PBX1: variants seen among roughly 807,000 people sequenced by gnomAD.
PBX1 encodes the protein pre-B-cell leukemia transcription factor 1.
Under a neutral mutation model 53.4 loss-of-function variants are expected in PBX1, and 6 were observed. The observed-to-expected ratio is 0.11, with a 90% CI of 0.06 to 0.22. PBX1 has a LOEUF of 0.22. Among genes scored for constraint, PBX1 ranks in the 10% least tolerant of loss-of-function variants. The pLI is 1.00. For missense variants in PBX1, 251 were observed against 551.4 expected (o/e 0.46, Z 5.46); for synonymous variants, 204 against 212.3 (o/e 0.96, Z 0.34).
intron 2 of PBX1, among the ~76,000 whole-genome samples, chr1:164,598,382 G>C (rs1655911040): frequency 1.3e-5 from 2 of 152,142 alleles, no homozygotes. Flanking sequence ...ACAGGAGTTA[G>C]GTGTCGAGAC....
intron 2 of PBX1, among the ~76,000 whole-genome samples, chr1:164,767,966 G>A (rs1199197218): frequency 6.6e-6 from 1 of 150,720 alleles, no homozygotes. Flanking sequence ...TACATCTTCT[G>A]AAAAGGGAGG....
At chr1:164,816,517 A>G (rs1242184612) in intron 6 of PBX1, 1 of 152,248 alleles carries the variant, frequency 6.6e-6, no homozygotes, top group East Asian at 1.9e-4. Context: ...TTAAAAGGAA[A>G]AAGTAAATCC....
chr1:164,821,745 T>C (rs994949630), intron 8 of PBX1, 119 bp downstream of exon 8: 11 of 771,962 alleles, frequency 1.4e-5, no homozygotes, highest in Non-Finnish European at 2.0e-5. Flanking sequence ...TACGGTCACC[T>C]AGTTTCTTGT....
At chr1:164,705,872 C>T (rs1016807162) in intron 2 of PBX1, among the ~76,000 whole-genome samples, 6 of 152,200 alleles carry the variant, frequency 3.9e-5, no homozygotes, top group Admixed American at 3.9e-4. Context: ...ACCTGTTCAC[C>T]TTCATGCTGC....
chr1:164,626,758 C>G (rs541127380), intron 2 of PBX1, among the ~76,000 whole-genome samples: 3 of 152,274 alleles, frequency 2.0e-5, no homozygotes, highest in African/African-American at 7.2e-5. Context: ...CTGAATCTCT[C>G]GTGTTTAGAT....
At chr1:164,671,096 G>A (rs961385338) in intron 2 of PBX1, among the ~76,000 whole-genome samples, 1 of 152,076 alleles carries the variant, frequency 6.6e-6, no homozygotes, top group Non-Finnish European at 1.5e-5. Flanking sequence ...AAAATGGTGG[G>A]AACAGATTTC....
At chr1:164,885,160 A>G (rs1672749549) in intron 2 of PBX1, among the ~76,000 whole-genome samples, 1 of 152,224 alleles carries the variant, frequency 6.6e-6, no homozygotes, top group Non-Finnish European at 1.5e-5. Flanking sequence ...CATAGCTACA[A>G]AAGTGTGGGG....
chr1:164,839,096 A>G (rs1389874280), intron 8 of PBX1, among the ~76,000 whole-genome samples: 1 of 152,142 alleles, frequency 6.6e-6, no homozygotes. Context: ...GAGACTCTGG[A>G]AAGGCTTCCC....
intron 2 of PBX1, among the ~76,000 whole-genome samples, chr1:164,877,480 T>C (rs1672542165): frequency 6.6e-6 from 1 of 152,078 alleles, no homozygotes; most frequent in Non-Finnish European, 1.5e-5. Context: ...CTGGCCAACA[T>C]GGTGAAACCG....
Position 164,711,565 on chromosome 1 carries a change from T to G in PBX1, c.266-80929T>G, listed in dbSNP as rs563894579. Among the ~76,000 whole-genome samples, 43 of 152,334 alleles carry G rather than the reference T, an allele frequency of 2.8e-4. No homozygotes were observed. The South Asian group carries it at 8.9e-3, about 32-fold the overall frequency. The stretch of plus-strand genomic sequence containing the variant: ...GGCGTGAGCCACTGCGCCCGGCTAG[T>G]TTTCTCTTTTTGTCGTGTCTACCTT... On this transcript the variant is annotated intron_variant, in intron 2 of 8. Coordinates refer to ENST00000420696, the MANE Select transcript of PBX1 (RefSeq NM_002585.4).
intron 2 of PBX1, among the ~76,000 whole-genome samples, chr1:164,636,849 A>G (rs1300790161): frequency 6.6e-6 from 1 of 152,008 alleles, no homozygotes; most frequent in Non-Finnish European, 1.5e-5. Flanking sequence ...CCGTGGGCTG[A>G]GTTGGGGATG....
At chr1:164,880,820 G>A (rs1447980419) in intron 2 of PBX1, among the ~76,000 whole-genome samples, 1 of 152,190 alleles carries the variant, frequency 6.6e-6, no homozygotes. Context: ...GCTCAAGCTG[G>A]CTGCCATTCA....
chr1:164,731,121 G>A lies in PBX1; in HGVS notation c.266-61373G>A, dbSNP rs903966128. Among the ~76,000 whole-genome samples the A allele has an allele frequency of 2.0e-5, 3 of 152,168 alleles. No homozygotes were observed. In the South Asian group the frequency reaches 6.2e-4, roughly 32 times the overall value. ...TGCATGCATGTGCACACTTGTATCTGTGTTTCTGACATATGGGCAACAGGT... is the reference window on the plus strand; with the variant it reads ...TGCATGCATGTGCACACTTGTATCTATGTTTCTGACATATGGGCAACAGGT... On this transcript the variant is annotated intron_variant, in intron 2 of 8. Coordinates refer to ENST00000420696, the MANE Select transcript of PBX1 (RefSeq NM_002585.4).
chr1:164,817,855 T>G (rs532046126), intron 6 of PBX1: 1 of 152,202 alleles, frequency 6.6e-6, no homozygotes, highest in East Asian at 1.9e-4. Flanking sequence ...ATAGTCCTTA[T>G]GTTTAGGCTA....
intron 8 of PBX1, among the ~76,000 whole-genome samples, chr1:164,826,058 G>T (rs1251245093): frequency 1.3e-5 from 2 of 152,144 alleles, no homozygotes; most frequent in African/African-American, 4.8e-5. Context: ...CTTTTAAGGA[G>T]TCACTTCACC....
Position 164,589,584 on chromosome 1 carries a change from A to G in PBX1, c.265+26273A>G, listed in dbSNP as rs151085579. On this transcript the variant is annotated intron_variant, in intron 2 of 8. Transcript: ENST00000420696. The stretch of plus-strand genomic sequence containing the variant: ...TGATCCCCTGGTGCCCTGGAAAGAG[A>G]CCGTTTACCTCCAAAAGGTGAGTTG... 2.0e-5 allele frequency among the ~76,000 whole-genome samples: 3 copies of G among 152,254 alleles called. No homozygotes were observed. The East Asian group carries it at 5.8e-4, about 30-fold the overall frequency.
intron 2 of PBX1, among the ~76,000 whole-genome samples, chr1:164,640,635 C>T (rs1294852591): frequency 3.4e-5 from 5 of 147,958 alleles, no homozygotes; most frequent in Middle Eastern, 3.5e-3. Context: ...CAGCTCACTG[C>T]AACCTCTGCC....
chr1:164,845,041 C>G (rs941811329), intron 8 of PBX1, among the ~76,000 whole-genome samples: 1 of 152,096 alleles, frequency 6.6e-6, no homozygotes, highest in Non-Finnish European at 1.5e-5. Context: ...CTTGGCATTG[C>G]TCAGGATGCC....
chr1:164,698,670 C>T (rs888552643), intron 2 of PBX1, among the ~76,000 whole-genome samples: 6 of 152,088 alleles, frequency 3.9e-5, no homozygotes, highest in South Asian at 2.1e-4. Flanking sequence ...ATCAGAGCGC[C>T]CAAAAGCCAC....
Sources: gnomAD v4.1 joint callset for allele counts (sites outside exome capture counted in the v4.1 genomes callset) on GRCh38, gnomAD v4.1.1 for gene constraint, MANE v1.5 for transcripts, NCBI Gene and HGNC (gene_info 2026-07-23, HGNC 2026-07-21) for gene names.